VPS37A: variants seen among roughly 807,000 people sequenced by gnomAD.
VPS37A encodes the protein vacuolar protein sorting-associated protein 37A.
VPS37A carries 30 observed loss-of-function variants against 49.8 expected under a neutral mutation model. That is an observed-to-expected ratio of 0.60 (90% CI 0.45 to 0.82). The LOEUF (loss-of-function observed/expected upper bound fraction) is 0.82. VPS37A is among the 40% of genes least tolerant of loss of function. The pLI, the probability that VPS37A is intolerant of heterozygous loss-of-function variation, is 0.00. For synonymous variants in VPS37A, 195 were observed against 160.6 expected, an observed-to-expected ratio of 1.21 and a Z score of -1.62; for missense variants, 593 against 464.4, an observed-to-expected ratio of 1.28 and a Z score of -2.55.
downstream of VPS37A, among the ~76,000 whole-genome samples, chr8:17,307,110 A>G (rs1394522254): frequency 7.9e-5 from 12 of 152,258 alleles, no homozygotes; most frequent in Admixed American, 6.5e-4. Context: ...GCAACCTACA[A>G]AATGGGAGAA....
intron 1 of VPS37A, chr8:17,247,755 G>T (rs1360307617): frequency 4.3e-6 from 3 of 702,624 alleles, no homozygotes; most frequent in Non-Finnish European, 7.8e-6. Flanking sequence ...CAATTGTGAA[G>T]AGTAATCTCC....
downstream of VPS37A, among the ~76,000 whole-genome samples, chr8:17,304,120 A>G (rs1817301064): frequency 6.6e-6 from 1 of 152,220 alleles, no homozygotes; most frequent in Non-Finnish European, 1.5e-5. Context: ...AAAAAAATAA[A>G]TTGGAACTTA....
rs1228735743 is a variant in VPS37A at position 17,297,726 on chromosome 8, CTTG to C, written c.*2744_*2746del. On this transcript the variant is annotated 3_prime_UTR_variant, in exon 12 of 12. Transcript: ENST00000324849. The stretch of plus-strand genomic sequence containing the variant: ...ATGTTTGATTATTAGATATTTTAGT[CTTG>C]TTGGGGATATTTTAGTCTTGTTGGG... 7.8e-6 allele frequency: 1 copy of C among 128,796 alleles called. No homozygotes were observed. The highest frequency in any genetic ancestry group is 1.8e-5 in the Non-Finnish European group (1 of 55,016). The allele number at this position is 128,796 out of a possible 1,614,324, so 8.0% of individuals were successfully genotyped here. A position where few individuals can be genotyped will look rare whatever the true frequency, so the allele number is the denominator to read the frequency against.
At chr8:17,281,614 T>C (rs1815059517) in intron 9 of VPS37A, among the ~76,000 whole-genome samples, 9 of 152,034 alleles carry the variant, frequency 5.9e-5, no homozygotes. Flanking sequence ...CACTGCTGTT[T>C]AACGTTGTTT....
chr8:17,280,799 G>T (rs765616483), intron 9 of VPS37A, among the ~76,000 whole-genome samples: 2 of 151,566 alleles, frequency 1.3e-5, no homozygotes, highest in Non-Finnish European at 3.0e-5. Context: ...TGAAAAGTTC[G>T]CAAATTAAAA....
At chr8:17,265,774 C>G in intron 1 of VPS37A, 133 bp from the exon 2 acceptor site, 1 of 1,543,712 alleles carries the variant, frequency 6.5e-7, no homozygotes, top group Non-Finnish European at 8.8e-7. Context: ...CCTCAAGATA[C>G]AAGTTATGCT....
At chr8:17,283,607 T>A (rs146526770) in intron 9 of VPS37A, among the ~76,000 whole-genome samples, 6 of 152,334 alleles carry the variant, frequency 3.9e-5, no homozygotes, top group African/African-American at 1.4e-4. Context: ...GTTGAAAAGA[T>A]TCCTTTCCCC....
intron 1 of VPS37A, among the ~76,000 whole-genome samples, chr8:17,250,269 C>T (rs1811850353): frequency 6.6e-6 from 1 of 152,096 alleles, no homozygotes; most frequent in Admixed American, 6.5e-5. Flanking sequence ...TACCAAAGTG[C>T]AATATTTTGG....
intron 1 of VPS37A, among the ~76,000 whole-genome samples, chr8:17,258,866 C>G (rs932710741): frequency 6.6e-6 from 1 of 151,884 alleles, no homozygotes. Context: ...GCAATTTGTT[C>G]CTTTCTTTTA....
chr8:17,317,382 G>A, the VPS37A span, among the ~76,000 whole-genome samples: 1 of 152,174 alleles, frequency 6.6e-6, no homozygotes, highest in African/African-American at 2.4e-5. Context: ...GAACACCTGA[G>A]TGCATCACGT....
chr8:17,277,880 A>ACG (rs1400309177), intron 6 of VPS37A, among the ~76,000 whole-genome samples: 1 of 151,422 alleles, frequency 6.6e-6, no homozygotes, highest in Non-Finnish European at 1.5e-5. Flanking sequence ...ACACACACAC[A>ACG]CACACACACA....
chr8:17,300,120 T>C, downstream of VPS37A: 1 of 1,614,164 alleles, frequency 6.2e-7, no homozygotes, highest in African/African-American at 1.3e-5. Context: ...GAGTGTTGGC[T>C]ATGCTGTTGT....
intron 1 of VPS37A, among the ~76,000 whole-genome samples, chr8:17,253,810 AAC>A (rs1585920938): frequency 6.6e-6 from 1 of 152,238 alleles, no homozygotes; most frequent in East Asian, 1.9e-4. Context: ...TTCGAAAACA[AAC>A]ACAATTTACT....
At chr8:17,315,685 A>G in the VPS37A span, among the ~76,000 whole-genome samples, 5 of 152,006 alleles carry the variant, frequency 3.3e-5, no homozygotes, top group Non-Finnish European at 7.4e-5. Context: ...ATTGGCCACA[A>G]CTGCTCCAGA....
chr8:17,317,911 CT>C, the VPS37A span, among the ~76,000 whole-genome samples: 2 of 152,036 alleles, frequency 1.3e-5, no homozygotes, highest in East Asian at 1.9e-4. Context: ...GTATTTTTGC[CT>C]TTTTTTCCAC....
intron 1 of VPS37A, among the ~76,000 whole-genome samples, chr8:17,254,252 T>G (rs7834656): frequency 6.6e-6 from 1 of 151,956 alleles, no homozygotes; most frequent in Non-Finnish European, 1.5e-5. Flanking sequence ...GTAGGGCAAG[T>G]TGATAGTTAT....
At chr8:17,271,049 A>G (rs970609563) in intron 4 of VPS37A, among the ~76,000 whole-genome samples, 2 of 152,218 alleles carry the variant, frequency 1.3e-5, no homozygotes, top group East Asian at 1.9e-4. Context: ...CCACTGGTTC[A>G]TAACAGTACT....
At chr8:17,265,730 G>C (rs563296279) in intron 1 of VPS37A, 177 bp from the exon 2 acceptor site, 10 of 1,501,900 alleles carry the variant, frequency 6.7e-6, no homozygotes, top group South Asian at 2.4e-5. Context: ...GTGCTTAGAT[G>C]ATGAGCCTTT....
At chr8:17,271,590 A>G (rs911816635) in intron 4 of VPS37A, among the ~76,000 whole-genome samples, 12 of 152,074 alleles carry the variant, frequency 7.9e-5, no homozygotes, top group African/African-American at 2.7e-4. Flanking sequence ...TGGGTGACAG[A>G]GCAAGACTCC....
Sources: allele counts gnomAD v4.1 joint callset (sites outside exome capture counted in the v4.1 genomes callset), GRCh38; gene constraint gnomAD v4.1.1; transcripts MANE v1.5; gene names NCBI Gene and HGNC (gene_info 2026-07-23, HGNC 2026-07-21).